WDFY4: variants seen among roughly 807,000 people sequenced by gnomAD.
The protein encoded by WDFY4 is WD repeat- and FYVE domain-containing protein 4.
In WDFY4, 169 loss-of-function variants were observed where a neutral mutation model predicts 351.9. That is an observed-to-expected ratio of 0.48 (90% CI 0.42 to 0.55). The LOEUF (loss-of-function observed/expected upper bound fraction) is 0.55. Among genes scored for constraint, WDFY4 ranks in the 20% least tolerant of loss-of-function variants. The probability of loss-of-function intolerance (pLI) is 0.00; values close to 1 mark genes in which losing one functional copy is unlikely to be tolerated. For missense variants in WDFY4, 3,803 were observed against 3,935.6 expected (o/e 0.97, Z 0.90); for synonymous variants, 1,622 against 1,574.6 (o/e 1.03, Z -0.71).
chr10:48,712,111 T>C (rs2063781873), intron 2 of WDFY4, among the ~76,000 whole-genome samples: 1 of 152,240 alleles, frequency 6.6e-6, no homozygotes, highest in African/African-American at 2.4e-5. Context: ...GACCCTGTTG[T>C]TGAACATGTG....
At chr10:48,850,265 G>A (rs1046993937) in intron 39 of WDFY4, among the ~76,000 whole-genome samples, 3 of 152,204 alleles carry the variant, frequency 2.0e-5, no homozygotes, top group Non-Finnish European at 2.9e-5. Context: ...CCAATGTCTG[G>A]AAGGGGATTA....
intron 51 of WDFY4, among the ~76,000 whole-genome samples, chr10:48,950,960 T>C (rs1048893340): frequency 6.6e-6 from 1 of 152,238 alleles, no homozygotes; most frequent in South Asian, 2.1e-4. Context: ...GCACACCCAG[T>C]GCGGTCTGCT....
intron 1 of WDFY4, among the ~76,000 whole-genome samples, chr10:48,696,652 A>G (rs576076571): frequency 6.6e-6 from 1 of 152,334 alleles, no homozygotes; most frequent in East Asian, 1.9e-4. Flanking sequence ...AGGGCAGCTG[A>G]CTCAGACCTT....
chr10:48,702,901 G>A (rs1327202413), intron 1 of WDFY4, among the ~76,000 whole-genome samples: 1 of 152,170 alleles, frequency 6.6e-6, no homozygotes, highest in East Asian at 1.9e-4. Context: ...AGTTTTGATT[G>A]CTTGTTGAAG....
In WDFY4 at chr10:48,690,318, G is replaced by A. The variant is rs2063159543; in HGVS notation, c.-18+5317G>A. On this transcript the variant is annotated intron_variant, in intron 1 of 61. Coordinates refer to ENST00000325239, the MANE Select transcript of WDFY4 (RefSeq NM_001394531.1). ...ATGTAGAACATGTTTATGATATGAT[G>A]GATGATTAATGCAATCAAATCATTT... 2.6e-5 allele frequency among the ~76,000 whole-genome samples: 4 copies of A among 152,138 alleles called. No homozygotes were observed. In the South Asian group the frequency reaches 6.2e-4, roughly 24 times the overall value.
In WDFY4 at chr10:48,810,759, G is replaced by T. The variant is rs140401286; in HGVS notation, c.5044+24G>T. ...GGGTGAGCACGTGGCTGTCTCCAGGGAGTGGGGCACCACCTAGTCCTGGGA... is the reference window on the plus strand; with the variant it reads ...GGGTGAGCACGTGGCTGTCTCCAGGTAGTGGGGCACCACCTAGTCCTGGGA... On this transcript the variant is annotated intron_variant, in intron 29 of 61. Coordinates refer to ENST00000325239, the MANE Select transcript of WDFY4 (RefSeq NM_001394531.1). The T allele has an allele frequency of 2.7e-5, 40 of 1,494,818 alleles. No individual in the cohort carries two copies. In the East Asian group the frequency reaches 7.4e-4, roughly 28 times the overall value. 92.6% of individuals were successfully genotyped at this position (1,494,818 alleles called of 1,614,324 possible). A position where few individuals can be genotyped will look rare whatever the true frequency, so the allele number is the denominator to read the frequency against.
At chr10:48,958,454 T>C (rs1191190507) in intron 52 of WDFY4, among the ~76,000 whole-genome samples, 1 of 152,140 alleles carries the variant, frequency 6.6e-6, no homozygotes, top group Admixed American at 6.5e-5. Context: ...CACTCTGTCT[T>C]GGAAATGAAG....
intron 1 of WDFY4, 109 bp from the exon 2 acceptor site, chr10:48,709,607 A>T (rs556735345): frequency 5.4e-6 from 5 of 926,762 alleles, no homozygotes; most frequent in Non-Finnish European, 8.0e-6. Flanking sequence ...TCTTAGGGGA[A>T]CCATTTTCAA....
chr10:48,771,434 C>T (rs373574327), intron 13 of WDFY4, among the ~76,000 whole-genome samples: 77 of 152,278 alleles, frequency 5.1e-4, no homozygotes, highest in African/African-American at 1.6e-3. Context: ...ATCTGTAAAA[C>T]GGGTATGATA....
At chr10:48,824,024 T>A in intron 35 of WDFY4, 6 of 985,486 alleles carry the variant, frequency 6.1e-6, no homozygotes, top group Non-Finnish European at 7.2e-6. Context: ...TTGTGCATAC[T>A]CTTTGTATTA....
chr10:48,808,635 A>C (rs2067336828), intron 28 of WDFY4, among the ~76,000 whole-genome samples: 1 of 152,202 alleles, frequency 6.6e-6, no homozygotes, highest in Admixed American at 6.5e-5. Flanking sequence ...TTGGGGGTAA[A>C]GAGTTACCCC....
intron 47 of WDFY4, among the ~76,000 whole-genome samples, chr10:48,939,971 C>G (rs1258457378): frequency 6.6e-6 from 1 of 152,232 alleles, no homozygotes; most frequent in Non-Finnish European, 1.5e-5. Flanking sequence ...AATCTCATTT[C>G]CTGGATCCTA....
rs186495433 is a variant in WDFY4 at position 48,919,162 on chromosome 10, C to G, written c.7586+17299C>G. Among the ~76,000 whole-genome samples the G allele has an allele frequency of 2.0e-5, 3 of 151,424 alleles. No individual in the cohort carries two copies. The East Asian group carries it at 5.8e-4, about 29-fold the overall frequency. ...TTGAAAAGATTAATGAAACAGATAGCCAGACTGACAATTTAAAAAAAAAAG... is the reference window on the plus strand; with the variant it reads ...TTGAAAAGATTAATGAAACAGATAGGCAGACTGACAATTTAAAAAAAAAAG... On this transcript the variant is annotated intron_variant, in intron 47 of 61. Coordinates refer to ENST00000325239, the MANE Select transcript of WDFY4 (RefSeq NM_001394531.1).
intron 61 of WDFY4, among the ~76,000 whole-genome samples, chr10:48,982,008 T>G (rs1188644589): frequency 1.3e-5 from 2 of 152,194 alleles, no homozygotes; most frequent in Non-Finnish European, 2.9e-5. Flanking sequence ...TAGGGGCCGC[T>G]GACCTTGCAG....
At chr10:48,755,390 A>G (rs1298093669) in intron 12 of WDFY4, among the ~76,000 whole-genome samples, 1 of 152,134 alleles carries the variant, frequency 6.6e-6, no homozygotes, top group Non-Finnish European at 1.5e-5. Context: ...CCAAATCATC[A>G]TTTGTTTTTA....
intron 35 of WDFY4, 86 bp from the exon 36 acceptor site, chr10:48,826,585 A>G: frequency 1.9e-6 from 2 of 1,035,400 alleles, no homozygotes; most frequent in Admixed American, 2.3e-5. Context: ...TTTTGATTAT[A>G]CTATTTTTGT....
In WDFY4 at chr10:48,731,496, G is replaced by A. The variant is rs1168884080; in HGVS notation, c.1516G>A (p.Asp506Asn). 1.3e-6 allele frequency: 2 copies of A among 1,551,550 alleles called. No individual in the cohort carries two copies. The highest frequency in any genetic ancestry group is 8.7e-7 in the Non-Finnish European group (1 of 1,146,996). ...GDPLFTDIFRDSGLLGLLLAQ... is the reference protein window; with the variant it reads ...GDPLFTDIFRNSGLLGLLLAQ... ...CCCCCTCTTCACCGACATCTTCCGGGACTCAGGGCTCCTGGGCCTGCTACT... is the reference window on the plus strand; with the variant it reads ...CCCCCTCTTCACCGACATCTTCCGGAACTCAGGGCTCCTGGGCCTGCTACT... Residue 506 changes from aspartate to asparagine, a missense_variant, in exon 9 of 62, where the codon GAC becomes AAC. Asp to Asn is a conservative substitution (Grantham distance 23). This residue lies in a region of WDFY4 where 261 missense variants were observed against 330.2 expected (regional missense o/e 0.79). Transcript: ENST00000325239.
intron 12 of WDFY4, chr10:48,745,653 C>A: frequency 8.7e-6 from 5 of 573,600 alleles, no homozygotes; most frequent in Non-Finnish European, 1.6e-5. Context: ...GGGTCTCGGC[C>A]TTCTCCTTCC....
At chr10:48,972,701 C>T (rs533305198) in intron 57 of WDFY4, among the ~76,000 whole-genome samples, 80 of 152,224 alleles carry the variant, frequency 5.3e-4, no homozygotes, top group South Asian at 1.2e-3. Context: ...TGTTTTCTTG[C>T]GATAAACTTC....
Sources: allele counts gnomAD v4.1 joint callset (sites outside exome capture counted in the v4.1 genomes callset), GRCh38; gene constraint gnomAD v4.1.1; regional missense constraint gnomAD v4.1.1; transcripts MANE v1.5; gene names NCBI Gene and HGNC (gene_info 2026-07-23, HGNC 2026-07-21).